EPB41L2: variants seen among roughly 807,000 people sequenced by gnomAD.
The protein encoded by EPB41L2 is erythrocyte membrane protein band 4.1 like 2.
A neutral mutation model predicts 113.0 loss-of-function variants in EPB41L2; 43 were observed. The ratio of observed to expected loss-of-function variants is 0.38; its 90% CI spans 0.30 to 0.49. EPB41L2 has a LOEUF of 0.49. Among genes scored for constraint, EPB41L2 ranks in the 20% least tolerant of loss-of-function variants. The probability of loss-of-function intolerance (pLI) is 0.95; values close to 1 mark genes in which losing one functional copy is unlikely to be tolerated. For synonymous variants in EPB41L2, 442 were observed against 436.7 expected, an observed-to-expected ratio of 1.01 and a Z score of -0.15; for missense variants, 1,147 against 1,223.4, an observed-to-expected ratio of 0.94 and a Z score of 0.93.
intron 12 of EPB41L2, chr6:130,881,482 C>T (rs1789288232): frequency 1.3e-5 from 2 of 152,114 alleles, no homozygotes; most frequent in African/African-American, 2.4e-5. Flanking sequence ...AATTGTCCTA[C>T]AATGCATACT....
At chr6:130,925,311 C>T (rs1038955317) in intron 4 of EPB41L2, among the ~76,000 whole-genome samples, 8 of 151,370 alleles carry the variant, frequency 5.3e-5, no homozygotes, top group African/African-American at 1.9e-4. Context: ...GCCTCAGCCT[C>T]CCGAGTAGCT....
chr6:130,872,309 A>C (rs1785997005), intron 14 of EPB41L2: 1 of 1,210,878 alleles, frequency 8.3e-7, no homozygotes, highest in East Asian at 5.8e-5. Context: ...TGAATATTTA[A>C]AAAAATGAAA....
intron 14 of EPB41L2, 122 bp downstream of exon 14, chr6:130,877,982 T>C: frequency 5.1e-6 from 5 of 990,020 alleles, no homozygotes; most frequent in Non-Finnish European, 6.9e-6. Context: ...TGTTAGTAAT[T>C]ACATAAAAAT....
chr6:130,984,740 T>C (rs2128682398), intron 1 of EPB41L2, among the ~76,000 whole-genome samples: 1 of 152,328 alleles, frequency 6.6e-6, no homozygotes, highest in South Asian at 2.1e-4. Flanking sequence ...AAATATTCTG[T>C]CCCACTGTCT....
At chr6:130,880,694 G>C (rs1789040409) in intron 12 of EPB41L2, 1 of 408,414 alleles carries the variant, frequency 2.4e-6, no homozygotes, top group Non-Finnish European at 4.3e-6. Flanking sequence ...ATGATCCTTT[G>C]CAAAGGTGGA....
intron 19 of EPB41L2, among the ~76,000 whole-genome samples, chr6:130,851,691 T>G (rs1778811686): frequency 6.6e-6 from 1 of 152,238 alleles, no homozygotes; most frequent in Admixed American, 6.5e-5. Context: ...CTGAAACAGC[T>G]CTGACAAAGC....
At chr6:130,989,026 T>C (rs1207923966) in intron 1 of EPB41L2, among the ~76,000 whole-genome samples, 2 of 152,028 alleles carry the variant, frequency 1.3e-5, no homozygotes, top group Non-Finnish European at 2.9e-5. Flanking sequence ...GAGGCAGAGG[T>C]TGCAGTGAGC....
At chr6:130,950,619 T>G (rs1025859577) in intron 3 of EPB41L2, among the ~76,000 whole-genome samples, 3 of 152,092 alleles carry the variant, frequency 2.0e-5, no homozygotes, top group Non-Finnish European at 4.4e-5. Context: ...TCACCAAAAA[T>G]AGACCAACAG....
At chr6:130,919,579 T>A (rs143020157) in intron 4 of EPB41L2, among the ~76,000 whole-genome samples, 6 of 152,140 alleles carry the variant, frequency 3.9e-5, no homozygotes, top group Non-Finnish European at 5.9e-5. Context: ...GTTCTCCCAA[T>A]GTATCAGCCT....
chr6:130,846,903 T>C (rs1582579261), intron 19 of EPB41L2, among the ~76,000 whole-genome samples: 2 of 152,254 alleles, frequency 1.3e-5, no homozygotes, highest in East Asian at 3.8e-4. Flanking sequence ...GCTTCCAAGT[T>C]AAATTCAATC....
At chr6:130,936,460 T>G (rs919535312) in intron 3 of EPB41L2, among the ~76,000 whole-genome samples, 10 of 152,172 alleles carry the variant, frequency 6.6e-5, no homozygotes, top group Non-Finnish European at 1.3e-4. Flanking sequence ...TCTTGTGGGG[T>G]TTTTCTTACT....
intron 1 of EPB41L2, among the ~76,000 whole-genome samples, chr6:130,972,475 T>G (rs1777085902): frequency 6.7e-6 from 1 of 149,664 alleles, no homozygotes; most frequent in Non-Finnish European, 1.5e-5. Context: ...CTCAGCACAA[T>G]CTGAGAAATA....
Position 130,885,095 on chromosome 6 carries a change from C to A in EPB41L2, c.1833+1G>T. On this transcript the variant is annotated splice_donor_variant, in intron 12 of 19. Coordinates refer to ENST00000337057, the MANE Select transcript of EPB41L2 (RefSeq NM_001431.4). LOFTEE classifies it high-confidence loss of function. ...CCACATACTGTGCTAATTTACCATA[C>A]CTTTCCTTCAATGAGCTGCAAATGT... 1 of 1,614,012 alleles carries A rather than the reference C, an allele frequency of 6.2e-7. No individual in the cohort carries two copies. The highest frequency in any genetic ancestry group is 1.1e-5 in the South Asian group (1 of 91,044).
At chr6:130,856,544 A>G (rs772796018) in intron 19 of EPB41L2, among the ~76,000 whole-genome samples, 1 of 152,374 alleles carries the variant, frequency 6.6e-6, no homozygotes, top group Non-Finnish European at 1.5e-5. Flanking sequence ...TTACCAAACT[A>G]GCAAAAATTA....
chr6:130,981,160 A>G (rs1290385212), intron 1 of EPB41L2, among the ~76,000 whole-genome samples: 22 of 152,210 alleles, frequency 1.4e-4, no homozygotes, highest in Admixed American at 1.4e-3. Context: ...ATGAGAAGTC[A>G]TTGGTGTTTT....
chr6:130,860,712 T>C (rs1161467884), intron 18 of EPB41L2, among the ~76,000 whole-genome samples: 1 of 151,458 alleles, frequency 6.6e-6, no homozygotes, highest in East Asian at 1.9e-4. Context: ...TTTTTTCTAT[T>C]TTTAGTAGAG....
At chr6:131,016,935 A>G (rs1290796984) in intron 1 of EPB41L2, among the ~76,000 whole-genome samples, 1 of 152,140 alleles carries the variant, frequency 6.6e-6, no homozygotes, top group African/African-American at 2.4e-5. Flanking sequence ...AAGCCACTAT[A>G]GTTACATTTA....
intron 1 of EPB41L2, among the ~76,000 whole-genome samples, chr6:131,034,758 C>T (rs376145575): frequency 9.9e-5 from 15 of 152,146 alleles, no homozygotes; most frequent in African/African-American, 3.6e-4. Context: ...AAAGATCACC[C>T]TACAACTCCT....
intron 1 of EPB41L2, among the ~76,000 whole-genome samples, chr6:130,974,602 A>G (rs921418231): frequency 1.3e-5 from 2 of 152,064 alleles, no homozygotes; most frequent in Non-Finnish European, 2.9e-5. Flanking sequence ...GAGAAATTGA[A>G]TCTCAAACTC....
Sources: gnomAD v4.1 joint callset for allele counts (sites outside exome capture counted in the v4.1 genomes callset) on GRCh38, gnomAD v4.1.1 for gene constraint, MANE v1.5 for transcripts, NCBI Gene and HGNC (gene_info 2026-07-23, HGNC 2026-07-21) for gene names.